NCOA2: variants seen among roughly 807,000 people sequenced by gnomAD.
NCOA2 encodes the protein class E basic helix-loop-helix protein 75.
In NCOA2, 21 loss-of-function variants were observed where a neutral mutation model predicts 145.1. The observed-to-expected ratio is 0.14, with a 90% CI of 0.10 to 0.21. The LOEUF (loss-of-function observed/expected upper bound fraction) is 0.21. Ranked by LOEUF, NCOA2 falls within the 10% of genes least tolerant of loss-of-function variation. NCOA2 has a pLI of 1.00. For missense variants in NCOA2, 1,472 were observed against 1,837.6 expected, an observed-to-expected ratio of 0.80 and a Z score of 3.64; for synonymous variants, 619 against 637.5, an observed-to-expected ratio of 0.97 and a Z score of 0.44.
the NCOA2 span, among the ~76,000 whole-genome samples, chr8:70,441,846 G>T: frequency 6.7e-6 from 1 of 150,132 alleles, no homozygotes; most frequent in Non-Finnish European, 1.5e-5. Flanking sequence ...AAGAAAGACA[G>T]AAAGACAGAC....
the NCOA2 span, among the ~76,000 whole-genome samples, chr8:70,421,992 G>A: frequency 6.6e-6 from 1 of 151,946 alleles, no homozygotes; most frequent in Admixed American, 6.6e-5. Context: ...CTACTTGGGA[G>A]GCTGAGGCAG....
chr8:70,309,273 A>G (rs1223949516), intron 1 of NCOA2, among the ~76,000 whole-genome samples: 1 of 152,136 alleles, frequency 6.6e-6, no homozygotes, highest in African/African-American at 2.4e-5. Flanking sequence ...AACCCACAGA[A>G]TTATGAGCTA....
rs542572109 is a variant in NCOA2, at chr8:70,293,276, C to T, written c.-20+3468G>A. On this transcript the variant is annotated intron_variant, in intron 2 of 22. Transcript: ENST00000452400. ...GCCCATATCTTCATGGATACATATACATCCAGTTAAATCAGATATCTAATC... is the reference window on the plus strand; with the variant it reads ...GCCCATATCTTCATGGATACATATATATCCAGTTAAATCAGATATCTAATC... 7.2e-5 allele frequency among the ~76,000 whole-genome samples: 11 copies of T among 152,258 alleles called. 1 individual carries two copies. The highest frequency in any genetic ancestry group is 2.6e-4 in the African/African-American group (11 of 41,558).
At chr8:70,141,525 G>A in intron 13 of NCOA2, 126 bp from the exon 14 acceptor site, 2 of 879,294 alleles carry the variant, frequency 2.3e-6, no homozygotes. Flanking sequence ...AATAGCTAAT[G>A]TTCTCATTGG....
intron 2 of NCOA2, among the ~76,000 whole-genome samples, chr8:70,279,493 G>T (rs983036312): frequency 6.6e-6 from 1 of 152,140 alleles, no homozygotes; most frequent in Admixed American, 6.5e-5. Context: ...TAAAAAGCTG[G>T]TAAGGAAATA....
chr8:70,120,847 A>G (rs1807723638), intron 22 of NCOA2, among the ~76,000 whole-genome samples: 1 of 152,242 alleles, frequency 6.6e-6, no homozygotes, highest in African/African-American at 2.4e-5. Context: ...AAATATAGAA[A>G]ACCCTTAAGA....
At chr8:70,312,078 A>G (rs1355828629) in intron 1 of NCOA2, among the ~76,000 whole-genome samples, 1 of 152,208 alleles carries the variant, frequency 6.6e-6, no homozygotes, top group Admixed American at 6.5e-5. Flanking sequence ...TGGTTTGATT[A>G]AAGTCACTTA....
At chr8:70,382,067 C>A (rs1812239649) in intron 1 of NCOA2, among the ~76,000 whole-genome samples, 1 of 152,038 alleles carries the variant, frequency 6.6e-6, no homozygotes, top group African/African-American at 2.4e-5. Flanking sequence ...GCTGCTGCTG[C>A]CACTGAAGGA....
chr8:70,288,473 G>A (rs1031348132), intron 2 of NCOA2, among the ~76,000 whole-genome samples: 1 of 151,966 alleles, frequency 6.6e-6, no homozygotes, highest in African/African-American at 2.4e-5. Context: ...ACAGCTACTC[G>A]GGGAAGCTGA....
intron 2 of NCOA2, among the ~76,000 whole-genome samples, chr8:70,255,202 C>T (rs1478962292): frequency 6.6e-6 from 1 of 152,166 alleles, no homozygotes; most frequent in Admixed American, 6.5e-5. Context: ...GAGTCTGTCA[C>T]AACCACCTGT....
At chr8:70,403,239 C>G (rs1814533018) in intron 1 of NCOA2, among the ~76,000 whole-genome samples, 1 of 151,396 alleles carries the variant, frequency 6.6e-6, no homozygotes, top group Non-Finnish European at 1.5e-5. Context: ...GTTAGAGCCT[C>G]GGTCTCCGCC....
At chr8:70,413,039 A>G in the NCOA2 span, among the ~76,000 whole-genome samples, 1 of 149,534 alleles carries the variant, frequency 6.7e-6, no homozygotes, top group Non-Finnish European at 1.5e-5. Flanking sequence ...CAGTGGTTGC[A>G]GTGAGCTGTG....
intron 22 of NCOA2, among the ~76,000 whole-genome samples, chr8:70,120,111 G>A (rs1807628142): frequency 6.6e-6 from 1 of 152,020 alleles, no homozygotes; most frequent in Non-Finnish European, 1.5e-5. Context: ...ACTTTTTAAT[G>A]GGATTATCTG....
At chr8:70,362,847 G>A (rs1810331722) in intron 1 of NCOA2, among the ~76,000 whole-genome samples, 2 of 152,074 alleles carry the variant, frequency 1.3e-5, no homozygotes, top group East Asian at 3.8e-4. Context: ...GGAGGCCAAG[G>A]TGGGAGGACT....
At chr8:70,426,880 C>T in the NCOA2 span, among the ~76,000 whole-genome samples, 6 of 152,280 alleles carry the variant, frequency 3.9e-5, no homozygotes, top group Non-Finnish European at 8.8e-5. Flanking sequence ...GTAGCCTCAA[C>T]CTTCCGGGCT....
In NCOA2 at chr8:70,276,456, A is replaced by T. The variant is rs1021502816; in HGVS notation, c.-20+20288T>A. Among the ~76,000 whole-genome samples the T allele has an allele frequency of 2.0e-5, 3 of 152,278 alleles. No homozygotes were observed. In the East Asian group the frequency reaches 5.8e-4, roughly 29 times the overall value. ...TATAGTTTGGTTGTGTCCCCACCCA[A>T]ATCTCATCATGAATTGTAGTTCCCA... On this transcript the variant is annotated intron_variant, in intron 2 of 22. Transcript: ENST00000452400.
chr8:70,113,464 C>A lies in NCOA2; in HGVS notation c.*168G>T, dbSNP rs1044639435. 3.9e-5 allele frequency: 26 copies of A among 671,874 alleles called. No homozygotes were observed. In the African/African-American group the frequency reaches 4.3e-4, roughly 11 times the overall value. 41.6% of individuals were successfully genotyped at this position (671,874 alleles called of 1,614,324 possible). A position where few individuals can be genotyped will look rare whatever the true frequency, so the allele number is the denominator to read the frequency against. Reference sequence around the variant, plus strand: ...TCAAGAGAAGAGGCAGCTCCTCCTGCCACAGCCGAGTGGACGCCACCCTGG... The same window carrying A: ...TCAAGAGAAGAGGCAGCTCCTCCTGACACAGCCGAGTGGACGCCACCCTGG... On this transcript the variant is annotated 3_prime_UTR_variant, in exon 23 of 23. Transcript: ENST00000452400.
At chr8:70,161,723 CT>C (rs1813032370) in intron 9 of NCOA2, among the ~76,000 whole-genome samples, 1 of 152,160 alleles carries the variant, frequency 6.6e-6, no homozygotes, top group Non-Finnish European at 1.5e-5. Context: ...ATGCAGACAA[CT>C]GTTGAAGCTG....
rs746907489 is a variant in NCOA2 at position 70,156,791 on chromosome 8, T to C, written c.1574A>G (p.Asn525Ser). ...SPVGVCSSTG[N>S]SHSYTNSSLN... ...GGAGCTGTTGGTATAACTATGGCTA[T>C]TTCCTGTGCTGCTGCAAACTCCCAC... The change falls in exon 11 of 23, where the codon AAT becomes AGT. Residue 525 changes from asparagine (N) to serine (S), a missense_variant. Physicochemically the swap from Asn to Ser is conservative, Grantham distance 46. Coordinates refer to ENST00000452400, the MANE Select transcript of NCOA2 (RefSeq NM_006540.4). The C allele has an allele frequency of 1.3e-5, 21 of 1,613,878 alleles. No homozygotes were observed. Among genetic ancestry groups the C allele is most frequent in the Non-Finnish European group, 1.7e-5 (20 of 1,179,896 alleles).
Sources: gnomAD v4.1 joint callset for allele counts (sites outside exome capture counted in the v4.1 genomes callset) on GRCh38, gnomAD v4.1.1 for gene constraint, MANE v1.5 for transcripts, NCBI Gene and HGNC (gene_info 2026-07-23, HGNC 2026-07-21) for gene names.